Variants in TTLL7 observed in about 807,000 individuals in gnomAD.
TTLL7 encodes tubulin polyglutamylase TTLL7.
Under a neutral mutation model 120.2 loss-of-function variants are expected in TTLL7, and 53 were observed. The observed-to-expected ratio is 0.44, with a 90% CI of 0.35 to 0.55. TTLL7 has a LOEUF of 0.55. Ranked by LOEUF, TTLL7 falls within the 20% of genes least tolerant of loss-of-function variation. TTLL7 has a pLI of 0.00. For synonymous variants in TTLL7, 353 were observed against 351.7 expected, an observed-to-expected ratio of 1.00 and a Z score of -0.04; for missense variants, 803 against 1,054.7, an observed-to-expected ratio of 0.76 and a Z score of 3.31.
At chr1:83,947,383 C>T in intron 5 of TTLL7, 101 bp from the exon 6 acceptor site, 1 of 1,078,542 alleles carries the variant, frequency 9.3e-7, no homozygotes, top group Non-Finnish European at 1.3e-6. Context: ...TAAATTTTCT[C>T]CATTCCTTCA....
intron 1 of TTLL7, among the ~76,000 whole-genome samples, chr1:83,971,724 T>C (rs1226889024): frequency 1.3e-5 from 2 of 152,038 alleles, no homozygotes; most frequent in Non-Finnish European, 2.9e-5. Context: ...TGGCACATAA[T>C]TCTTGGTTCT....
chr1:83,870,287 C>A (rs934843320), intron 20 of TTLL7, among the ~76,000 whole-genome samples: 21 of 152,072 alleles, frequency 1.4e-4, no homozygotes, highest in Admixed American at 1.3e-3. Context: ...GTTAGCATCC[C>A]AAGACATCCC....
rs1326481084 is a variant in TTLL7, at chr1:83,911,242, T to C, written c.1709A>G (p.Tyr570Cys). The C allele has an allele frequency of 6.2e-7, 1 of 1,613,244 alleles. No individual in the cohort carries two copies. The highest frequency in any genetic ancestry group is 8.5e-7 in the Non-Finnish European group (1 of 1,179,400). ...SESDENEKEE[Y>C]QNKKREKQVT... ...TTGCTTTTCTCTTTTCTTATTTTGG[T>C]ACTCTTCTTTTTCATTTTCGTCAGA... The change falls in exon 15 of 21, where the codon TAC becomes TGC. Residue 570 changes from tyrosine (Y) to cysteine (C), a missense_variant. Physicochemically the swap from Tyr to Cys is radical, Grantham distance 194. Transcript: ENST00000260505.
At chr1:83,923,772 T>G (rs1658883024) in intron 10 of TTLL7, among the ~76,000 whole-genome samples, 1 of 152,144 alleles carries the variant, frequency 6.6e-6, no homozygotes. Context: ...GAATAAAAAT[T>G]TAACCAAAGA....
intron 1 of TTLL7, among the ~76,000 whole-genome samples, chr1:83,969,494 G>A (rs1277307378): frequency 6.6e-6 from 1 of 151,910 alleles, no homozygotes; most frequent in Non-Finnish European, 1.5e-5. Context: ...CAATTTATTA[G>A]TCTCCTTCTT....
chr1:83,879,322 T>C (rs763621369), intron 20 of TTLL7, among the ~76,000 whole-genome samples: 5 of 151,974 alleles, frequency 3.3e-5, no homozygotes, highest in Non-Finnish European at 4.4e-5. Flanking sequence ...TGTGTTCCAA[T>C]GTAGAAGAAT....
At chr1:83,982,573 A>G (rs927689406) in intron 1 of TTLL7, among the ~76,000 whole-genome samples, 1 of 152,204 alleles carries the variant, frequency 6.6e-6, no homozygotes, top group Non-Finnish European at 1.5e-5. Context: ...AAAAAAAATG[A>G]TATGTACAAA....
intron 18 of TTLL7, among the ~76,000 whole-genome samples, chr1:83,902,725 C>G (rs916136223): frequency 1.3e-5 from 2 of 151,900 alleles, no homozygotes; most frequent in Admixed American, 6.6e-5. Flanking sequence ...CCTTAAATAT[C>G]TTAGAGACTC....
Position 83,954,744 on chromosome 1 carries a change from A to G in TTLL7, c.-176-2357T>C, listed in dbSNP as rs757775690. Among the ~76,000 whole-genome samples the G allele has an allele frequency of 9.8e-5, 15 of 152,294 alleles. 1 individual carries two copies. The highest frequency in any genetic ancestry group is 3.3e-4 in the Admixed American group (5 of 15,294). On this transcript the variant is annotated intron_variant, in intron 1 of 20. Coordinates refer to ENST00000260505, the MANE Select transcript of TTLL7 (RefSeq NM_024686.6). ...GCACACGATGACAATGCAACAAATA[A>G]TAGCTAATTATAACAACACATGAAA...
At position 83,929,241 on chromosome 1, in the gene TTLL7, C is replaced by A; in HGVS notation, c.1048-11G>T. ...TGGGGCTCGGTTAATCTGAAATTTA[C>A]AAAGAAGACAATATTGGAAGGTAAA... On this transcript the variant is annotated splice_polypyrimidine_tract_variant and intron_variant, in intron 9 of 20. Coordinates refer to ENST00000260505, the MANE Select transcript of TTLL7 (RefSeq NM_024686.6). 1.3e-6 allele frequency: 2 copies of A among 1,577,158 alleles called. No homozygotes were observed. The highest frequency in any genetic ancestry group is 8.7e-7 in the Non-Finnish European group (1 of 1,150,400).
chr1:83,914,415 T>C (rs997340392), intron 14 of TTLL7, among the ~76,000 whole-genome samples: 4 of 133,640 alleles, frequency 3.0e-5, no homozygotes, highest in Non-Finnish European at 1.6e-5. Context: ...CATTGCAACC[T>C]CTGCCTCCCA....
intron 18 of TTLL7, chr1:83,900,139 T>TA (rs1165308044): frequency 6.7e-6 from 3 of 444,740 alleles, no homozygotes; most frequent in Non-Finnish European, 1.3e-5. Flanking sequence ...ACATCACATG[T>TA]AAAAAACAGA....
chr1:83,916,006 G>C (rs1658123602), intron 14 of TTLL7, among the ~76,000 whole-genome samples: 1 of 152,152 alleles, frequency 6.6e-6, no homozygotes, highest in Non-Finnish European at 1.5e-5. Flanking sequence ...TGCTGGAGAG[G>C]ATGTGGAGAA....
At chr1:83,937,463 A>C (rs1647516314) in intron 8 of TTLL7, among the ~76,000 whole-genome samples, 3 of 152,158 alleles carry the variant, frequency 2.0e-5, no homozygotes, top group Admixed American at 2.0e-4. Flanking sequence ...TCAGCCTCCC[A>C]AAGTGGTGGA....
At chr1:83,953,394 T>C (rs1035165559) in intron 1 of TTLL7, among the ~76,000 whole-genome samples, 22 of 152,160 alleles carry the variant, frequency 1.4e-4, no homozygotes, top group Admixed American at 7.2e-4. Context: ...TATTAGATTG[T>C]CAAGTTTATC....
intron 9 of TTLL7, among the ~76,000 whole-genome samples, chr1:83,931,449 G>C (rs1365895046): frequency 6.6e-6 from 1 of 151,478 alleles, no homozygotes; most frequent in Non-Finnish European, 1.5e-5. Context: ...TCTTTGCTCA[G>C]GTGTTTCTTC....
intron 7 of TTLL7, among the ~76,000 whole-genome samples, chr1:83,941,409 G>T (rs1647958106): frequency 6.6e-6 from 1 of 152,182 alleles, no homozygotes; most frequent in African/African-American, 2.4e-5. Flanking sequence ...GCTTTATCTA[G>T]ACCATATAAC....
At chr1:83,955,624 A>T (rs1445611433) in intron 1 of TTLL7, among the ~76,000 whole-genome samples, 3 of 152,202 alleles carry the variant, frequency 2.0e-5, no homozygotes, top group Non-Finnish European at 4.4e-5. Flanking sequence ...CAGCCTTCAG[A>T]AATTTGAGAA....
chr1:83,928,898 G>T (rs1342037832), intron 10 of TTLL7, among the ~76,000 whole-genome samples: 2 of 151,564 alleles, frequency 1.3e-5, no homozygotes, highest in African/African-American at 4.8e-5. Flanking sequence ...ACAGGAGTAG[G>T]GGGGACAGAT....
Sources: gnomAD v4.1 joint callset for allele counts (sites outside exome capture counted in the v4.1 genomes callset) on GRCh38, gnomAD v4.1.1 for gene constraint, MANE v1.5 for transcripts, NCBI Gene and HGNC (gene_info 2026-07-23, HGNC 2026-07-21) for gene names.